Variants in GOLGA6L2 observed in about 807,000 individuals in gnomAD.
GOLGA6L2 encodes golgin A6 family like 2.
A neutral mutation model predicts 35.9 loss-of-function variants in GOLGA6L2; 30 were observed. The ratio of observed to expected loss-of-function variants is 0.83; its 90% CI spans 0.62 to 1.13. The LOEUF (loss-of-function observed/expected upper bound fraction) is 1.13, where lower values mean the gene tolerates loss of function less well. Ranked by LOEUF, GOLGA6L2 falls within the 50% of genes most tolerant of loss-of-function variation. The pLI is 0.00. For missense variants in GOLGA6L2, 821 were observed against 973.4 expected (o/e 0.84, Z 2.08); for synonymous variants, 297 against 344.0 (o/e 0.86, Z 1.51).
rs542086437 is a variant in GOLGA6L2, at chr15:23,441,205, C to A, written c.1270G>T (p.Glu424Ter). 4.5e-6 allele frequency: 7 copies of A among 1,539,654 alleles called. No homozygotes were observed. Among genetic ancestry groups the A allele is most frequent in the Middle Eastern group, 3.4e-4 (2 of 5,944 alleles). Residue 424 changes from glutamate (E) to a stop codon, truncating the protein, a stop_gained, in exon 8 of 8, where the codon GAG becomes TAG. Coordinates refer to ENST00000567107, the MANE Select transcript of GOLGA6L2 (RefSeq NM_001304388.2). LOFTEE classifies it low-confidence loss of function (END_TRUNC). Reference sequence around the variant, plus strand: ...ATCTTCTTCTCCTCCCGCATCTTCTCCACCTGCTCCCACATCTTCTCCTGC... The same window carrying A: ...ATCTTCTTCTCCTCCCGCATCTTCTACACCTGCTCCCACATCTTCTCCTGC... ...REQEKMWEQV[E>*]KMREEKKMQE...
rs374397538 is a variant in GOLGA6L2, at chr15:23,443,996, A to T, written c.372T>A (p.Ala124=). 1.6e-4 allele frequency: 242 copies of T among 1,556,968 alleles called. 1 individual carries two copies. The African/African-American group carries it at 2.9e-3, about 18-fold the overall frequency. Residue 124 remains alanine (A), a synonymous_variant, in exon 5 of 8, where the codon GCT becomes GCA. Coordinates refer to ENST00000567107, the MANE Select transcript of GOLGA6L2 (RefSeq NM_001304388.2). ...GGTTCCCATCTTCAAATTTCCTGGC[A>T]GCATCCTGGCTGTAATAGAGCGCTG... is the stretch of plus-strand genomic sequence containing the variant. The part of the protein sequence containing the change: ...LETALYYSQD[A]ARKFEDGNLG...
At position 23,440,791 on chromosome 15, in the gene GOLGA6L2, C is replaced by T; in HGVS notation, c.1684G>A (p.Gly562Arg). 1 of 1,530,472 alleles carries T rather than the reference C, an allele frequency of 6.5e-7. No homozygotes were observed. Among genetic ancestry groups the T allele is most frequent in the South Asian group, 1.2e-5 (1 of 82,498 alleles). 94.8% of individuals were successfully genotyped at this position (1,530,472 alleles called of 1,614,324 possible). ...AGAGEADVGA[G>R]GEDAGSGAED... ...GCTCCTGATCCCGCATCTTCTCCTC[C>T]TGCTCCCACATCTGCTTCTCCTGCT... The change falls in exon 8 of 8, where the codon GGA becomes AGA. Residue 562 changes from glycine (G) to arginine (R), a missense_variant. Transcript: ENST00000567107.
At position 23,441,990 on chromosome 15, in the gene GOLGA6L2, G is replaced by C. The variant is rs1434282422; in HGVS notation, c.781C>G (p.Leu261Val). 6.5e-7 allele frequency: 1 copy of C among 1,544,912 alleles called. No individual in the cohort carries two copies. The highest frequency in any genetic ancestry group is 1.2e-5 in the South Asian group (1 of 84,622). ...CTGCAGCCGCTCACCTGTGGCAGCAGGAACTTGGCCCTCTCCAGTTTCCTT... is the reference window on the plus strand; with the variant it reads ...CTGCAGCCGCTCACCTGTGGCAGCACGAACTTGGCCCTCTCCAGTTTCCTT... ...LKRKLERAKF[L>V]LPQVQTNTLQ... Residue 261 changes from leucine (L) to valine (V), a missense_variant, in exon 7 of 8, where the codon CTG (leucine) becomes GTG (valine). Transcript: ENST00000567107.
chr15:23,439,845 C>T lies in GOLGA6L2; in HGVS notation c.2630G>A (p.Gly877Glu). Residue 877 changes from glycine (G) to glutamate (E), a missense_variant, in exon 8 of 8, where the codon GGA becomes GAA. This residue lies in a region of GOLGA6L2 where 48 missense variants were observed against 42.7 expected (regional missense o/e 1.12). Transcript: ENST00000567107. ...VGAGGDAREG[G>E]EDTRSEREDA... Reference sequence around the variant, plus strand: ...TTCTCTTTCTGATCTCGTATCCTCTCCTCCTTCTCTCGCATCTCCTCCTGC... The same window carrying T: ...TTCTCTTTCTGATCTCGTATCCTCTTCTCCTTCTCTCGCATCTCCTCCTGC... 1 of 1,490,520 alleles carries T rather than the reference C, an allele frequency of 6.7e-7. No homozygotes were observed. Among genetic ancestry groups the T allele is most frequent in the South Asian group, 1.2e-5 (1 of 81,932 alleles). 92.3% of individuals were successfully genotyped at this position (1,490,520 alleles called of 1,614,324 possible).
Position 23,445,462 on chromosome 15 carries a change from A to G in GOLGA6L2, c.85-24T>C, listed in dbSNP as rs1420989855. 1.8e-5 allele frequency: 19 copies of G among 1,029,772 alleles called. 1 individual carries two copies. In the East Asian group the frequency reaches 8.2e-4, roughly 44 times the overall value. 63.8% of individuals were successfully genotyped at this position (1,029,772 alleles called of 1,614,324 possible). The stretch of plus-strand genomic sequence containing the variant: ...AACTGTGGAAAAGAGGAGCAGTGAT[A>G]CTCATGAGAACTACAAGCTCCTACA... On this transcript the variant is annotated intron_variant, in intron 1 of 7. Coordinates refer to ENST00000567107, the MANE Select transcript of GOLGA6L2 (RefSeq NM_001304388.2).
Position 23,441,187 on chromosome 15 carries a change from T to G in GOLGA6L2, c.1288A>C (p.Lys430Gln), listed in dbSNP as rs1285659064. 1 of 1,499,340 alleles carries G rather than the reference T, an allele frequency of 6.7e-7. No homozygotes were observed. Among genetic ancestry groups the G allele is most frequent in the South Asian group, 1.2e-5 (1 of 81,008 alleles). 92.9% of individuals were successfully genotyped at this position (1,499,340 alleles called of 1,614,324 possible). Residue 430 changes from lysine to glutamine, a missense_variant, in exon 8 of 8, where the codon AAG becomes CAG. Physicochemically the swap from Lys to Gln is moderately conservative, Grantham distance 53. Transcript: ENST00000567107. Reference protein sequence around the residue: ...WEQVEKMREEKKMQEQEKKTR... With the variant: ...WEQVEKMREEQKMQEQEKKTR... ...TTCTTCTCCTGCTCCTGCATCTTCT[T>G]CTCCTCCCGCATCTTCTCCACCTGC...
chr15:23,443,572 G>C (rs2070722645), intron 5 of GOLGA6L2, among the ~76,000 whole-genome samples: 1 of 152,158 alleles, frequency 6.6e-6, no homozygotes, highest in Admixed American at 6.5e-5. Flanking sequence ...TGTGTCCAGT[G>C]CTCGCTCCCC....
At chr15:23,444,750 G>T (rs1886741928) in intron 2 of GOLGA6L2, among the ~76,000 whole-genome samples, 1 of 152,210 alleles carries the variant, frequency 6.6e-6, no homozygotes, top group East Asian at 1.9e-4. Flanking sequence ...TAAACCTTCA[G>T]AGATGGAGTG....
chr15:23,441,426 A>G lies in GOLGA6L2; in HGVS notation c.1049T>C (p.Met350Thr). The G allele has an allele frequency of 1.4e-6, 2 of 1,429,688 alleles. No homozygotes were observed. Among genetic ancestry groups the G allele is most frequent in the African/African-American group, 1.4e-5 (1 of 69,804 alleles). The allele number at this position is 1,429,688 out of a possible 1,614,324, so 88.6% of individuals were successfully genotyped here. A position where few individuals can be genotyped will look rare whatever the true frequency, so the allele number is the denominator to read the frequency against. Residue 350 changes from methionine (M) to threonine (T), a missense_variant, in exon 8 of 8, where the codon ATG becomes ACG. Met to Thr is a moderately conservative substitution (Grantham distance 81). Around this residue, in one of 7 missense-constraint regions of GOLGA6L2, gnomAD observed 614 missense variants for 632.3 expected, o/e 0.97. Transcript: ENST00000567107. ...CCACATCTTCTCCTCCTGCTCCTGC[A>G]TCTGCTCCTCCTGCTCCCGCAGCTT... ...QKKLREQEEQMQEQEEKMWEQ... is the reference protein window; with the variant it reads ...QKKLREQEEQTQEQEEKMWEQ...
rs559439423 is a variant in GOLGA6L2, at chr15:23,444,956, AC to A, written c.213+353del. Reference sequence around the variant, plus strand: ...ATCTCAGACTCTCAGAGCAAACAGAACCTCTGATACTCTAACTCTACCTCCT... The same window carrying A: ...ATCTCAGACTCTCAGAGCAAACAGAACTCTGATACTCTAACTCTACCTCCT... On this transcript the variant is annotated intron_variant, in intron 2 of 7. Coordinates refer to ENST00000567107, the MANE Select transcript of GOLGA6L2 (RefSeq NM_001304388.2). 6.4e-3 allele frequency among the ~76,000 whole-genome samples: 863 copies of A among 134,686 alleles called. 13 individuals are homozygous for A. The highest frequency in any genetic ancestry group is 0.022 in the African/African-American group (805 of 36,564). 88.4% of individuals were successfully genotyped at this position (134,686 alleles called of 152,430 possible). A position where few individuals can be genotyped will look rare whatever the true frequency, so the allele number is the denominator to read the frequency against.
chr15:23,444,267 A>C, intron 3 of GOLGA6L2, 55 bp from the exon 4 acceptor site: 1 of 1,573,864 alleles, frequency 6.4e-7, no homozygotes, highest in South Asian at 1.1e-5. Context: ...ATCCACAGCA[A>C]GAGACATGCC....
chr15:23,441,466 G>T lies in GOLGA6L2; in HGVS notation c.1009C>A (p.Leu337Met). ...TCCCGCAGCTTCTTCTGCTCCCGCA[G>T]CTCCTTCTCCTGCTCCCGCAGCTCC... is the stretch of plus-strand genomic sequence containing the variant. Reference protein sequence around the residue: ...EKELREQEKELREQKKLREQE... With the variant: ...EKELREQEKEMREQKKLREQE... The change falls in exon 8 of 8, where the codon CTG becomes ATG. Residue 337 changes from leucine to methionine, a missense_variant. By Grantham distance (15) the Leu-to-Met change is conservative. This residue lies in a region of GOLGA6L2 where 614 missense variants were observed against 632.3 expected (regional missense o/e 0.97). Coordinates refer to ENST00000567107, the MANE Select transcript of GOLGA6L2 (RefSeq NM_001304388.2). 2 of 1,407,972 alleles carry T rather than the reference G, an allele frequency of 1.4e-6. No homozygotes were observed. The highest frequency in any genetic ancestry group is 1.9e-6 in the Non-Finnish European group (2 of 1,055,488). 87.2% of individuals were successfully genotyped at this position (1,407,972 alleles called of 1,614,324 possible). A position where few individuals can be genotyped will look rare whatever the true frequency, so the allele number is the denominator to read the frequency against.
rs1197965070 is a variant in GOLGA6L2 at position 23,439,632 on chromosome 15, C to T, written c.*113G>A. ...CTGCCTAATCCTGGGCACTGCTGGG[C>T]GTTCTTCATCCCACAAAACAGCTGC... On this transcript the variant is annotated 3_prime_UTR_variant, in exon 8 of 8. Transcript: ENST00000567107. 6.5e-7 allele frequency: 1 copy of T among 1,536,302 alleles called. No homozygotes were observed. Among genetic ancestry groups the T allele is most frequent in the South Asian group, 1.2e-5 (1 of 84,022 alleles).
At position 23,441,647 on chromosome 15, in the gene GOLGA6L2, C is replaced by A. The variant is rs573108811; in HGVS notation, c.828G>T (p.Arg276Ser). ...CCTGCTCCCGTAGCTCCTCCTCCTG[C>A]CTCCACATCTCCTCCTGCAAAGTGT... ...QTNTLQEEMW[R>S]QEEELREQEK... Residue 276 changes from arginine to serine, a missense_variant, in exon 8 of 8, where the codon AGG (arginine) becomes AGT (serine). By Grantham distance (110) the Arg-to-Ser change is moderately radical. Coordinates refer to ENST00000567107, the MANE Select transcript of GOLGA6L2 (RefSeq NM_001304388.2). 2 of 1,538,050 alleles carry A rather than the reference C, an allele frequency of 1.3e-6. No individual in the cohort carries two copies.
At chr15:23,446,784 G>A (rs1265934459) in intron 1 of GOLGA6L2, among the ~76,000 whole-genome samples, 1 of 152,144 alleles carries the variant, frequency 6.6e-6, no homozygotes, top group Non-Finnish European at 1.5e-5. Context: ...GGGACACACA[G>A]GTCCTTGGAG....
At chr15:23,444,275 G>A in intron 3 of GOLGA6L2, 63 bp from the exon 4 acceptor site, 1 of 1,562,592 alleles carries the variant, frequency 6.4e-7, no homozygotes. Flanking sequence ...CAAGAGACAT[G>A]CCCCCAGAAT....
At position 23,441,191 on chromosome 15, in the gene GOLGA6L2, C is replaced by T; in HGVS notation, c.1284G>A (p.Glu428=). The change falls in exon 8 of 8, where the codon GAG becomes GAA. Residue 428 remains glutamate (E), a synonymous_variant. Coordinates refer to ENST00000567107, the MANE Select transcript of GOLGA6L2 (RefSeq NM_001304388.2). ...TCTCCTGCTCCTGCATCTTCTTCTC[C>T]TCCCGCATCTTCTCCACCTGCTCCC... ...KMWEQVEKMR[E]EKKMQEQEKK... The T allele has an allele frequency of 6.5e-7, 1 of 1,537,690 alleles. No homozygotes were observed.
intron 4 of GOLGA6L2, 25 bp from the exon 5 acceptor site, chr15:23,444,098 G>A: frequency 1.3e-6 from 2 of 1,583,910 alleles, no homozygotes; most frequent in Non-Finnish European, 1.7e-6. Flanking sequence ...ACAAGCAAGT[G>A]CTGAAAGAGA....
In GOLGA6L2 at chr15:23,444,058, T is replaced by C; in HGVS notation, c.310A>G (p.Ile104Val). The C allele has an allele frequency of 6.4e-7, 1 of 1,563,332 alleles. No homozygotes were observed. The highest frequency in any genetic ancestry group is 1.4e-5 in the African/African-American group (1 of 73,920). ...RREIEAQDHTIRILTCQKTEL... is the reference protein window; with the variant it reads ...RREIEAQDHTVRILTCQKTEL... ...GTTTTCTGACACGTGAGAATTCGTATTGTATGATCCTGGGCCTTTGGGAGA... is the reference window on the plus strand; with the variant it reads ...GTTTTCTGACACGTGAGAATTCGTACTGTATGATCCTGGGCCTTTGGGAGA... The change falls in exon 5 of 8, where the codon ATA becomes GTA. Residue 104 changes from isoleucine (I) to valine (V), a missense_variant. Ile to Val is a conservative substitution (Grantham distance 29). Around this residue, in one of 7 missense-constraint regions of GOLGA6L2, gnomAD observed 614 missense variants for 632.3 expected, o/e 0.97. Transcript: ENST00000567107.
Sources: allele counts gnomAD v4.1 joint callset (sites outside exome capture counted in the v4.1 genomes callset), GRCh38; gene constraint gnomAD v4.1.1; regional missense constraint gnomAD v4.1.1; transcripts MANE v1.5; gene names NCBI Gene and HGNC (gene_info 2026-07-23, HGNC 2026-07-21).